Variants in ATP8A1 observed in about 807,000 individuals in gnomAD.
ATP8A1 encodes ATPase phospholipid transporting 8A1.
A neutral mutation model predicts 177.7 loss-of-function variants in ATP8A1; 90 were observed. That is an observed-to-expected ratio of 0.51 (90% confidence interval 0.43 to 0.60). ATP8A1 has a LOEUF of 0.60. ATP8A1 is among the 20% of genes least tolerant of loss of function. The probability of loss-of-function intolerance (pLI) is 0.00; values close to 1 mark genes in which losing one functional copy is unlikely to be tolerated. For missense variants in ATP8A1, 1,072 were observed against 1,392.8 expected (o/e 0.77, Z 3.67); for synonymous variants, 493 against 485.9 (o/e 1.01, Z -0.19).
chr4:42,616,514 G>A (rs530472736), intron 4 of ATP8A1, among the ~76,000 whole-genome samples: 6 of 152,220 alleles, frequency 3.9e-5, no homozygotes, highest in African/African-American at 7.2e-5. Flanking sequence ...TTCAGCTTAC[G>A]AAATTTGTTA....
intron 24 of ATP8A1, among the ~76,000 whole-genome samples, chr4:42,500,100 C>A (rs555361529): frequency 1.3e-5 from 2 of 152,204 alleles, no homozygotes; most frequent in African/African-American, 4.8e-5. Context: ...CGCAGTGGCT[C>A]ATGCCTGTAA....
At chr4:42,539,416 A>G (rs1011714364) in intron 20 of ATP8A1, among the ~76,000 whole-genome samples, 4 of 145,984 alleles carry the variant, frequency 2.7e-5, no homozygotes, top group Non-Finnish European at 4.5e-5. Context: ...AACAAAAACA[A>G]AATACCAATG....
intron 9 of ATP8A1, among the ~76,000 whole-genome samples, chr4:42,584,774 T>C (rs988013997): frequency 1.3e-5 from 2 of 152,202 alleles, no homozygotes; most frequent in African/African-American, 4.8e-5. Context: ...GAACCCAGAC[T>C]TCTGTCCCAA....
intron 14 of ATP8A1, 44 bp from the exon 15 acceptor site, chr4:42,569,249 C>A: frequency 6.6e-7 from 1 of 1,512,350 alleles, no homozygotes; most frequent in East Asian, 2.3e-5. Context: ...GAAAAATAAT[C>A]ACAGAAAGGC....
At chr4:42,461,244 C>CTTTTTTTTTTT (rs777847439) in intron 27 of ATP8A1, among the ~76,000 whole-genome samples, 12 of 84,540 alleles carry the variant, frequency 1.4e-4, no homozygotes, top group Non-Finnish European at 1.9e-4. Context: ...TCAATTTTTT[C>CTTTTTTTTTTT]TTTCTTTTTT....
intron 18 of ATP8A1, among the ~76,000 whole-genome samples, chr4:42,549,789 A>C (rs774371150): frequency 1.3e-5 from 2 of 152,122 alleles, no homozygotes; most frequent in African/African-American, 2.4e-5. Context: ...ACAGAGCAAG[A>C]CCCCATCTCT....
At chr4:42,456,553 T>C (rs1718504985) in intron 27 of ATP8A1, among the ~76,000 whole-genome samples, 1 of 152,196 alleles carries the variant, frequency 6.6e-6, no homozygotes, top group Admixed American at 6.5e-5. Context: ...GACAAATTTT[T>C]CTCTAGCATG....
intron 33 of ATP8A1, among the ~76,000 whole-genome samples, chr4:42,436,776 C>CT (rs1716048338): frequency 6.6e-6 from 1 of 152,162 alleles, no homozygotes; most frequent in African/African-American, 2.4e-5. Flanking sequence ...AAGGGTTGGT[C>CT]TTAAGACCAA....
chr4:42,458,960 T>G (rs532640272), intron 27 of ATP8A1, among the ~76,000 whole-genome samples: 4 of 152,198 alleles, frequency 2.6e-5, no homozygotes, highest in Non-Finnish European at 5.9e-5. Flanking sequence ...ACTAGAGACA[T>G]TCAATGATGT....
At chr4:42,467,819 A>G (rs1173500330) in intron 25 of ATP8A1, among the ~76,000 whole-genome samples, 2 of 152,162 alleles carry the variant, frequency 1.3e-5, no homozygotes, top group Non-Finnish European at 2.9e-5. Context: ...AGAATTGTTT[A>G]TTCATGTCCT....
intron 22 of ATP8A1, among the ~76,000 whole-genome samples, chr4:42,519,232 G>A (rs1227534897): frequency 6.6e-6 from 1 of 152,058 alleles, no homozygotes; most frequent in African/African-American, 2.4e-5. Flanking sequence ...TGGGACCACA[G>A]GTGCATGCTA....
chr4:42,622,164 T>C (rs1167233161), intron 4 of ATP8A1, among the ~76,000 whole-genome samples: 1 of 149,520 alleles, frequency 6.7e-6, no homozygotes, highest in Non-Finnish European at 1.5e-5. Flanking sequence ...TCACCTGAGG[T>C]CAGAAGTTCA....
Position 42,579,915 on chromosome 4 carries a change from T to C in ATP8A1, c.898A>G (p.Ile300Val). The change falls in exon 11 of 37, where the codon ATT (isoleucine) becomes GTT (valine). Residue 300 changes from isoleucine (I) to valine (V), a missense_variant. Around this residue, in one of 5 missense-constraint regions of ATP8A1, gnomAD observed 344 missense variants for 393.5 expected, o/e 0.87. Transcript: ENST00000381668. Reference protein sequence around the residue: ...VERITNVQILILFCILIAMSL... With the variant: ...VERITNVQILVLFCILIAMSL... ...ATGGCAATTAAGATACAAAATAAAA[T>C]CAAAATTTGTACATTTGTAATCCGT... is the stretch of plus-strand genomic sequence containing the variant. 1 of 1,613,288 alleles carries C rather than the reference T, an allele frequency of 6.2e-7. No individual in the cohort carries two copies. Among genetic ancestry groups the C allele is most frequent in the South Asian group, 1.1e-5 (1 of 90,992 alleles).
chr4:42,417,042 C>G (rs1713321829), intron 35 of ATP8A1, among the ~76,000 whole-genome samples: 1 of 151,914 alleles, frequency 6.6e-6, no homozygotes, highest in Non-Finnish European at 1.5e-5. Flanking sequence ...TTTGTTTTTC[C>G]TTAGCTATTT....
intron 25 of ATP8A1, 55 bp downstream of exon 25, chr4:42,485,441 G>C: frequency 6.8e-7 from 1 of 1,472,142 alleles, no homozygotes; most frequent in South Asian, 1.3e-5. Context: ...TATAAATCAA[G>C]AACTTAGATC....
At chr4:42,532,139 C>A (rs1305613599) in intron 20 of ATP8A1, among the ~76,000 whole-genome samples, 1 of 151,758 alleles carries the variant, frequency 6.6e-6, no homozygotes, top group Non-Finnish European at 1.5e-5. Context: ...GACACACAGA[C>A]ACACACACAC....
rs989874752 is a variant in ATP8A1, at chr4:42,412,212, G to C, written c.*704C>G. 1 of 152,104 alleles carries C rather than the reference G, an allele frequency of 6.6e-6. No homozygotes were observed. Among genetic ancestry groups the C allele is most frequent in the Non-Finnish European group, 1.5e-5 (1 of 68,038 alleles). 9.4% of individuals were successfully genotyped at this position (152,104 alleles called of 1,614,324 possible). ...ACAAAGAAGCATTTGTAAGGCCAAA[G>C]GTGCAACATCACCGATTTTAGTAGC... On this transcript the variant is annotated 3_prime_UTR_variant, in exon 37 of 37. Transcript: ENST00000381668.
At chr4:42,589,893 T>C (rs1733987834) in intron 7 of ATP8A1, among the ~76,000 whole-genome samples, 1 of 151,916 alleles carries the variant, frequency 6.6e-6, no homozygotes, top group Non-Finnish European at 1.5e-5. Flanking sequence ...GGTCTTTAAA[T>C]GGCTAGGAAG....
At chr4:42,459,994 T>C (rs1459193280) in intron 27 of ATP8A1, among the ~76,000 whole-genome samples, 1 of 152,116 alleles carries the variant, frequency 6.6e-6, no homozygotes, top group Non-Finnish European at 1.5e-5. Flanking sequence ...AGTTTCACCA[T>C]GTTAGCCAGG....
Sources: allele counts gnomAD v4.1 joint callset (sites outside exome capture counted in the v4.1 genomes callset), GRCh38; gene constraint gnomAD v4.1.1; regional missense constraint gnomAD v4.1.1; transcripts MANE v1.5; gene names NCBI Gene and HGNC (gene_info 2026-07-23, HGNC 2026-07-21).